Variants in ZNF395 observed in about 807,000 individuals in gnomAD.
ZNF395 encodes the protein zinc finger protein 395, also known as HD gene regulatory region-binding protein 2.
A neutral mutation model predicts 57.7 loss-of-function variants in ZNF395; 20 were observed. That is an observed-to-expected ratio of 0.35 (90% confidence interval 0.24 to 0.50). ZNF395 has a LOEUF of 0.50. Ranked by LOEUF, ZNF395 falls within the 20% of genes least tolerant of loss-of-function variation. The pLI, the probability that ZNF395 is intolerant of heterozygous loss-of-function variation, is 0.97. For missense variants in ZNF395, 606 were observed against 671.2 expected, an observed-to-expected ratio of 0.90 and a Z score of 1.07; for synonymous variants, 295 against 275.9, an observed-to-expected ratio of 1.07 and a Z score of -0.69.
chr8:28,358,504 T>C (rs1801809454), intron 3 of ZNF395, among the ~76,000 whole-genome samples: 1 of 151,936 alleles, frequency 6.6e-6, no homozygotes, highest in African/African-American at 2.4e-5. Flanking sequence ...GGTGCCATCA[T>C]TGCTCACTGA....
chr8:28,372,137 C>G (rs1189960410), intron 1 of ZNF395, among the ~76,000 whole-genome samples: 1 of 152,064 alleles, frequency 6.6e-6, no homozygotes, highest in Non-Finnish European at 1.5e-5. Context: ...TCCTCACGTG[C>G]AAAATGAGAA....
At chr8:28,355,941 GC>G (rs1801773375) in intron 4 of ZNF395, among the ~76,000 whole-genome samples, 1 of 151,728 alleles carries the variant, frequency 6.6e-6, no homozygotes, top group South Asian at 2.1e-4. Context: ...TTTATAAGTA[GC>G]TTGCAATTCA....
chr8:28,349,152 GAA>G lies in ZNF395; in HGVS notation c.1401_1402del (p.Pro469ThrfsTer15), dbSNP rs1563335313. The G allele has an allele frequency of 4.5e-6, 7 of 1,565,644 alleles. No homozygotes were observed. The highest frequency in any genetic ancestry group is 5.2e-6 in the Non-Finnish European group (6 of 1,157,964). The stretch of plus-strand genomic sequence containing the variant: ...GGCACCACTCTGGGCCCGGGGTGGA[GAA>G]GTGACGATCAGATGAGATTTCATCG... On this transcript the variant is annotated frameshift_variant, in exon 9 of 10. Transcript: ENST00000344423. LOFTEE classifies it high-confidence loss of function.
chr8:28,362,667 G>T (rs574940121), intron 1 of ZNF395, among the ~76,000 whole-genome samples: 16 of 152,182 alleles, frequency 1.1e-4, no homozygotes, highest in African/African-American at 3.6e-4. Flanking sequence ...AGCCCCCCAG[G>T]CTCTCTTTCT....
rs1459895583 is a variant in ZNF395 at position 28,350,052 on chromosome 8, C to A, written c.1326+12G>T. On this transcript the variant is annotated intron_variant, in intron 8 of 9. Transcript: ENST00000344423. ...CCATACGAGGCCCCAGCCGTGCTGC[C>A]CGCACACTCACCGGAGAGAGAGAGC... 1.9e-6 allele frequency: 3 copies of A among 1,587,264 alleles called. No individual in the cohort carries two copies. Among genetic ancestry groups the A allele is most frequent in the South Asian group, 2.3e-5 (2 of 86,586 alleles).
At chr8:28,384,321 G>C (rs1424144797) in intron 1 of ZNF395, among the ~76,000 whole-genome samples, 1 of 152,084 alleles carries the variant, frequency 6.6e-6, no homozygotes, top group East Asian at 1.9e-4. Context: ...ACATTCCCTG[G>C]TATGGCTAAG....
At chr8:28,386,194 C>G (rs1802178568) in intron 1 of ZNF395, 199 bp downstream of exon 1, 1 of 150,124 alleles carries the variant, frequency 6.7e-6, no homozygotes, top group African/African-American at 2.4e-5. Context: ...CTGCCCTCCT[C>G]CCCGGGACAC....
At chr8:28,360,657 T>G (rs888949687) in intron 2 of ZNF395, among the ~76,000 whole-genome samples, 1 of 152,262 alleles carries the variant, frequency 6.6e-6, no homozygotes, top group African/African-American at 2.4e-5. Flanking sequence ...CGTCTGATGC[T>G]AGGTCTTGCC....
rs761455144 is a variant in ZNF395 at position 28,356,710 on chromosome 8, A to C, written c.543T>G (p.Pro181=). Residue 181 remains proline, a synonymous_variant, in exon 4 of 10, where the codon CCT becomes CCG. Transcript: ENST00000344423. This position sits in a 1 kb window ranked among gnomAD's most constrained non-coding sequence, Gnocchi z 4.0. ...CGGTCCCGGGAGGACTCTGTACAACAGGGCTGCAGGACAGGGACGTCAGCA... is the reference window on the plus strand; with the variant it reads ...CGGTCCCGGGAGGACTCTGTACAACCGGGCTGCAGGACAGGGACGTCAGCA... ...AMVLTSLSCS[P]VVQSPPGTEA... is the part of the protein sequence containing the mutation. 2.5e-6 allele frequency: 4 copies of C among 1,614,096 alleles called. No homozygotes were observed. Among genetic ancestry groups the C allele is most frequent in the Admixed American group, 1.7e-5 (1 of 60,006 alleles).
chr8:28,380,380 C>T (rs941064676), intron 1 of ZNF395, among the ~76,000 whole-genome samples: 1 of 152,150 alleles, frequency 6.6e-6, no homozygotes, highest in Admixed American at 6.5e-5. Context: ...GACGACTGAA[C>T]CTTGATTTGT....
At chr8:28,379,873 C>T (rs1220141370) in intron 1 of ZNF395, among the ~76,000 whole-genome samples, 1 of 146,814 alleles carries the variant, frequency 6.8e-6, no homozygotes, top group African/African-American at 2.7e-5. Flanking sequence ...CATGCCTCAA[C>T]CCAACCAGAA....
At chr8:28,362,334 T>G (rs925712567) in intron 1 of ZNF395, among the ~76,000 whole-genome samples, 1 of 152,182 alleles carries the variant, frequency 6.6e-6, no homozygotes, top group African/African-American at 2.4e-5. Flanking sequence ...CAGGTTGCCC[T>G]CCTCCTACAG....
rs1220902814 is a variant in ZNF395, at chr8:28,352,189, ACGG to A, written c.920+381_920+383del. Among the ~76,000 whole-genome samples the A allele has an allele frequency of 2.6e-5, 4 of 152,194 alleles. No homozygotes were observed. The highest frequency in any genetic ancestry group is 6.5e-5 in the Admixed American group (1 of 15,290). ...CCTGCAAACTCGCTCTGCACAGAAC[ACGG>A]CGGAGGCACCAGGGTGGGGCTAGCG... On this transcript the variant is annotated intron_variant, in intron 6 of 9. Coordinates refer to ENST00000344423, the MANE Select transcript of ZNF395 (RefSeq NM_018660.3). This position sits in a 1 kb window ranked among gnomAD's most constrained non-coding sequence, Gnocchi z 4.0.
chr8:28,382,874 T>C (rs1032571013), intron 1 of ZNF395, among the ~76,000 whole-genome samples: 2 of 152,058 alleles, frequency 1.3e-5, no homozygotes, highest in Admixed American at 1.3e-4. Flanking sequence ...AAATGAAAAA[T>C]AATAGACTAG....
chr8:28,353,197 G>A lies in ZNF395; in HGVS notation c.795C>T (p.Asp265=), dbSNP rs756707002. Residue 265 remains aspartate (D), a synonymous_variant, in exon 5 of 10, where the codon GAC becomes GAT. Transcript: ENST00000344423. ...FETDPDPFLL[D]EPAPRKRKNS... ...CCTTTCTTTTTCGTGGAGCTGGTTCGTCCAGCAGGAAAGGGTCAGGATCGG... is the reference window on the plus strand; with the variant it reads ...CCTTTCTTTTTCGTGGAGCTGGTTCATCCAGCAGGAAAGGGTCAGGATCGG... The A allele has an allele frequency of 3.2e-5, 52 of 1,613,598 alleles. No individual in the cohort carries two copies. Among genetic ancestry groups the A allele is most frequent in the South Asian group, 4.4e-5 (4 of 91,062 alleles).
chr8:28,361,298 A>C, intron 1 of ZNF395, 116 bp from the exon 2 acceptor site: 1 of 854,000 alleles, frequency 1.2e-6, no homozygotes, highest in East Asian at 2.7e-5. Flanking sequence ...CTTTTACAAA[A>C]GTGATATCCA....
In ZNF395 at chr8:28,348,204, C is replaced by T. The variant is rs1801631309; in HGVS notation, c.*515G>A. Reference sequence around the variant, plus strand: ...GGTACCCTCCGAGAAGGGCAAACCCCTCTGCCCCACGGCCAGGCAGTCCTG... The same window carrying T: ...GGTACCCTCCGAGAAGGGCAAACCCTTCTGCCCCACGGCCAGGCAGTCCTG... On this transcript the variant is annotated 3_prime_UTR_variant, in exon 10 of 10. Transcript: ENST00000344423. 1 of 152,770 alleles carries T rather than the reference C, an allele frequency of 6.5e-6. No homozygotes were observed. The highest frequency in any genetic ancestry group is 6.5e-5 in the Admixed American group (1 of 15,326). 9.5% of individuals were successfully genotyped at this position (152,770 alleles called of 1,614,324 possible). A position where few individuals can be genotyped will look rare whatever the true frequency, so the allele number is the denominator to read the frequency against.
At chr8:28,377,717 C>T (rs1053421617) in intron 1 of ZNF395, among the ~76,000 whole-genome samples, 5 of 147,914 alleles carry the variant, frequency 3.4e-5, no homozygotes, top group Non-Finnish European at 7.5e-5. Context: ...ATTTAGTCAT[C>T]ATCCCGAATA....
intron 1 of ZNF395, among the ~76,000 whole-genome samples, chr8:28,377,118 G>A (rs1318058398): frequency 1.3e-5 from 2 of 152,116 alleles, no homozygotes; most frequent in Non-Finnish European, 2.9e-5. Flanking sequence ...ATCAGGAAGA[G>A]GAATCTAAAA....
Sources: allele counts gnomAD v4.1 joint callset (sites outside exome capture counted in the v4.1 genomes callset), GRCh38; gene constraint gnomAD v4.1.1; non-coding constraint Gnocchi (gnomAD v3.1); transcripts MANE v1.5; gene names NCBI Gene and HGNC (gene_info 2026-07-23, HGNC 2026-07-21).